The following LGR4 variants were observed in gnomAD, a reference collection of about 807,000 sequenced individuals.
The protein encoded by LGR4 is leucine rich repeat containing G protein-coupled receptor 4, also known as leucine-rich repeat-containing G protein-coupled receptor 4.
In LGR4, 44 loss-of-function variants were observed where a neutral mutation model predicts 84.8. That is an observed-to-expected ratio of 0.52 (90% confidence interval 0.41 to 0.67). The LOEUF is 0.67. LGR4 is among the 30% of genes least tolerant of loss of function. The pLI is 0.00. For missense variants in LGR4, 1,032 were observed against 1,131.4 expected (o/e 0.91, Z 1.26); for synonymous variants, 429 against 434.3 (o/e 0.99, Z 0.15).
chr11:27,462,085 G>T (rs550963558), intron 1 of LGR4, among the ~76,000 whole-genome samples: 1 of 151,732 alleles, frequency 6.6e-6, no homozygotes, highest in Non-Finnish European at 1.5e-5. Flanking sequence ...TACCCGCCTC[G>T]GCCTCCCAAA....
intron 1 of LGR4, among the ~76,000 whole-genome samples, chr11:27,462,953 C>T (rs1014979759): frequency 6.6e-6 from 1 of 150,970 alleles, no homozygotes; most frequent in Admixed American, 6.6e-5. Context: ...AGTCTGAGGG[C>T]CTGGCGCAGT....
intron 2 of LGR4, among the ~76,000 whole-genome samples, chr11:27,399,315 C>T (rs1187943787): frequency 6.6e-6 from 1 of 152,036 alleles, no homozygotes; most frequent in Non-Finnish European, 1.5e-5. Context: ...GGATGCCATT[C>T]TATTCCCTCA....
intron 1 of LGR4, among the ~76,000 whole-genome samples, chr11:27,468,671 T>C (rs1201631678): frequency 6.6e-6 from 1 of 151,138 alleles, no homozygotes; most frequent in Admixed American, 6.6e-5. Flanking sequence ...ATCCAGTTGC[T>C]TCACTTTTCA....
Position 27,372,389 on chromosome 11 carries a change from T to G in LGR4, c.1389A>C (p.Ser463=), listed in dbSNP as rs529346653. ...AKDFVNLRSL[S]VPYAYQCCAF... ...CACAGCACTGATAAGCATATGGTACTGATAAAGACCTGGAAAAAAAAGTTG... is the reference window on the plus strand; with the variant it reads ...CACAGCACTGATAAGCATATGGTACGGATAAAGACCTGGAAAAAAAAGTTG... The change falls in exon 16 of 18, where the codon TCA becomes TCC. Residue 463 remains serine (S), a synonymous_variant. Transcript: ENST00000379214. The G allele has an allele frequency of 1.2e-6, 2 of 1,601,516 alleles. No homozygotes were observed. The highest frequency in any genetic ancestry group is 1.1e-5 in the South Asian group (1 of 90,776).
In LGR4 at chr11:27,368,997, A is replaced by G. The variant is rs1862830581; in HGVS notation, c.1726T>C (p.Phe576Leu). 6.2e-7 allele frequency: 1 copy of G among 1,614,040 alleles called. No homozygotes were observed. The highest frequency in any genetic ancestry group is 1.1e-5 in the South Asian group (1 of 91,076). ...TTAGACACAGAAATCAAGCCTATAA[A>G]CAATTTGGACGAAGGCAGTGATGTA... ...SCTSLPSSKL[F>L]IGLISVSNLF... Residue 576 changes from phenylalanine (F) to leucine (L), a missense_variant, in exon 18 of 18, where the codon TTT becomes CTT. Coordinates refer to ENST00000379214, the MANE Select transcript of LGR4 (RefSeq NM_018490.5).
At chr11:27,446,511 C>A (rs573257432) in intron 1 of LGR4, among the ~76,000 whole-genome samples, 2 of 152,006 alleles carry the variant, frequency 1.3e-5, no homozygotes, top group Non-Finnish European at 2.9e-5. Flanking sequence ...GTTAGAATGG[C>A]GATCATTAAA....
chr11:27,471,101 A>T (rs867528215), intron 1 of LGR4, among the ~76,000 whole-genome samples: 5 of 152,120 alleles, frequency 3.3e-5, no homozygotes, highest in African/African-American at 9.7e-5. Flanking sequence ...CAATAAGAAC[A>T]CAAAAACCCT....
chr11:27,425,354 C>G (rs1255359978), intron 1 of LGR4, among the ~76,000 whole-genome samples: 2 of 138,384 alleles, frequency 1.4e-5, no homozygotes, highest in Non-Finnish European at 3.1e-5. Flanking sequence ...TTTTTTGAAA[C>G]AGTCTCACTC....
intron 1 of LGR4, 109 bp from the exon 2 acceptor site, chr11:27,412,969 A>G (rs1863739632): frequency 1.4e-6 from 1 of 739,360 alleles, no homozygotes; most frequent in Non-Finnish European, 2.4e-6. Flanking sequence ...AGAGCATAGA[A>G]GACACATAGA....
chr11:27,471,053 C>T (rs1397754043), intron 1 of LGR4, among the ~76,000 whole-genome samples: 1 of 152,154 alleles, frequency 6.6e-6, no homozygotes, highest in Non-Finnish European at 1.5e-5. Flanking sequence ...TCGACTGCTC[C>T]TGATTTAAGC....
At chr11:27,460,709 A>T (rs1864664908) in intron 1 of LGR4, among the ~76,000 whole-genome samples, 1 of 152,206 alleles carries the variant, frequency 6.6e-6, no homozygotes, top group Admixed American at 6.5e-5. Flanking sequence ...GTTCTGCTGC[A>T]TGCCCTCACA....
intron 1 of LGR4, among the ~76,000 whole-genome samples, chr11:27,440,023 A>T (rs192499231): frequency 1.2e-3 from 178 of 150,084 alleles, no homozygotes; most frequent in African/African-American, 3.1e-3. Flanking sequence ...CTCCCACCTC[A>T]GCCTCCCAAG....
Position 27,472,107 on chromosome 11 carries a change from C to G in LGR4, c.185+11G>C, listed in dbSNP as rs1465400157. 1.5e-6 allele frequency: 2 copies of G among 1,314,294 alleles called. No homozygotes were observed. Among genetic ancestry groups the G allele is most frequent in the Non-Finnish European group, 1.9e-6 (2 of 1,035,410 alleles). 81.4% of individuals were successfully genotyped at this position (1,314,294 alleles called of 1,614,324 possible). ...CTCCCCCCCCCTCGCGTCCCCGCCGCCCGCACTCACAGCGCTTGGGTGAAG... is the reference window on the plus strand; with the variant it reads ...CTCCCCCCCCCTCGCGTCCCCGCCGGCCGCACTCACAGCGCTTGGGTGAAG... On this transcript the variant is annotated intron_variant, in intron 1 of 17. Coordinates refer to ENST00000379214, the MANE Select transcript of LGR4 (RefSeq NM_018490.5).
chr11:27,423,075 T>C (rs1380029826), intron 1 of LGR4, among the ~76,000 whole-genome samples: 1 of 152,120 alleles, frequency 6.6e-6, no homozygotes, highest in Non-Finnish European at 1.5e-5. Flanking sequence ...AACATATTGA[T>C]TTTAAGATTA....
intron 13 of LGR4, among the ~76,000 whole-genome samples, chr11:27,374,265 G>A (rs1382598084): frequency 6.6e-6 from 1 of 152,158 alleles, no homozygotes; most frequent in Admixed American, 6.6e-5. Flanking sequence ...AGTAATTCTA[G>A]CTGGCATCTG....
At chr11:27,458,449 C>T (rs1864614162) in intron 1 of LGR4, among the ~76,000 whole-genome samples, 1 of 152,102 alleles carries the variant, frequency 6.6e-6, no homozygotes, top group Non-Finnish European at 1.5e-5. Context: ...ACTCATAGAA[C>T]TGAACATTAA....
intron 16 of LGR4, among the ~76,000 whole-genome samples, 155 bp downstream of exon 16, chr11:27,372,128 G>A (rs1044638309): frequency 6.6e-6 from 1 of 152,134 alleles, no homozygotes; most frequent in Non-Finnish European, 1.5e-5. Flanking sequence ...GCCTCCCTAA[G>A]TGCTGAGATT....
intron 1 of LGR4, among the ~76,000 whole-genome samples, chr11:27,416,438 C>T (rs532088159): frequency 2.6e-5 from 4 of 152,166 alleles, no homozygotes; most frequent in Non-Finnish European, 5.9e-5. Context: ...ATAAGTTCAA[C>T]AAGAAAGAGC....
In LGR4 at chr11:27,373,501, T is replaced by C. The variant is rs140597310; in HGVS notation, c.1379+50A>G. On this transcript the variant is annotated intron_variant, in intron 15 of 17. Transcript: ENST00000379214. ...CAAAAAACCAGGACACTCTGTAATT[T>C]TGGAGCCTACCATAACTTCAACAAA... 2.8e-4 allele frequency: 414 copies of C among 1,480,390 alleles called. 2 individuals carry two copies. The African/African-American group carries it at 4.9e-3, about 18-fold the overall frequency. 91.7% of individuals were successfully genotyped at this position (1,480,390 alleles called of 1,614,324 possible).
Sources: allele counts gnomAD v4.1 joint callset (sites outside exome capture counted in the v4.1 genomes callset), GRCh38; gene constraint gnomAD v4.1.1; transcripts MANE v1.5; gene names NCBI Gene and HGNC (gene_info 2026-07-23, HGNC 2026-07-21).